Variants in SPEF2 observed in about 807,000 individuals in gnomAD.
SPEF2 encodes the protein sperm flagella and cilia-associated protein 2.
Under a neutral mutation model 224.6 loss-of-function variants are expected in SPEF2, and 187 were observed. That is an observed-to-expected ratio of 0.83 (90% confidence interval 0.74 to 0.94). The LOEUF (loss-of-function observed/expected upper bound fraction) is 0.94, where lower values mean the gene tolerates loss of function less well. Among genes scored for constraint, SPEF2 ranks in the 40% least tolerant of loss-of-function variants. The pLI is 0.00. For missense variants in SPEF2, 2,170 were observed against 2,135.6 expected (o/e 1.02, Z -0.32); for synonymous variants, 715 against 707.3 (o/e 1.01, Z -0.17).
At chr5:35,689,841 T>C (rs143919269) in intron 10 of SPEF2, among the ~76,000 whole-genome samples, 1 of 152,278 alleles carries the variant, frequency 6.6e-6, no homozygotes, top group African/African-American at 2.4e-5. Flanking sequence ...TGTTACCTTT[T>C]TTCCTATTAT....
chr5:35,638,982 CT>C (rs1746221689), intron 2 of SPEF2, among the ~76,000 whole-genome samples: 4 of 152,098 alleles, frequency 2.6e-5, no homozygotes, highest in African/African-American at 9.7e-5. Context: ...CACAGAGGGC[CT>C]TTTGTGAAAT....
chr5:35,618,174 C>A, intron 1 of SPEF2, 119 bp downstream of exon 1: 1 of 1,084,986 alleles, frequency 9.2e-7, no homozygotes, highest in Non-Finnish European at 1.4e-6. Context: ...AGGTGGGGCA[C>A]CTGCGTAGCC....
chr5:35,634,730 A>G (rs1745586245), intron 2 of SPEF2, among the ~76,000 whole-genome samples: 1 of 152,072 alleles, frequency 6.6e-6, no homozygotes, highest in Non-Finnish European at 1.5e-5. Flanking sequence ...TTACAGAAAA[A>G]TCATTGACAT....
At chr5:35,688,642 A>G (rs893421643) in intron 10 of SPEF2, among the ~76,000 whole-genome samples, 2 of 152,156 alleles carry the variant, frequency 1.3e-5, no homozygotes. Flanking sequence ...TATACTGGAT[A>G]TGAGTACCTG....
intron 23 of SPEF2, among the ~76,000 whole-genome samples, chr5:35,742,114 G>T (rs1054275830): frequency 6.6e-6 from 1 of 152,130 alleles, no homozygotes; most frequent in East Asian, 1.9e-4. Flanking sequence ...TAAGTCAATA[G>T]AACATGTTTT....
chr5:35,759,612 T>C lies in SPEF2; in HGVS notation c.3513T>C (p.Asp1171=), dbSNP rs1750938147. Reference sequence around the variant, plus strand: ...AAGATACAAAGAGACTCCTTCAAGATTATTACTGGGGAATGGAAAGTAAAA... The same window carrying C: ...AAGATACAAAGAGACTCCTTCAAGACTATTACTGGGGAATGGAAAGTAAAA... ...RFQDTKRLLQ[D]YYWGMESKIP... Residue 1171 remains aspartate, a synonymous_variant, in exon 25 of 37, where the codon GAT becomes GAC. Transcript: ENST00000356031. 1 of 1,610,870 alleles carries C rather than the reference T, an allele frequency of 6.2e-7. No individual in the cohort carries two copies. The highest frequency in any genetic ancestry group is 1.3e-5 in the African/African-American group (1 of 74,866).
chr5:35,628,471 T>C lies in SPEF2; in HGVS notation c.70T>C (p.Phe24Leu). The C allele has an allele frequency of 1.2e-6, 2 of 1,613,172 alleles. No homozygotes were observed. Among genetic ancestry groups the C allele is most frequent in the African/African-American group, 1.3e-5 (1 of 75,028 alleles). Residue 24 changes from phenylalanine (F) to leucine (L), a missense_variant, in exon 2 of 37, where the codon TTT (phenylalanine) becomes CTT (leucine). Phe to Leu is a conservative substitution (Grantham distance 22, BLOSUM62 0). Transcript: ENST00000356031. ...KVSRTVSPKS[F>L]AKAFSSGYLL... ...GTTTTGAAACTCAGGTCCCAAGTCA[T>C]TTGCAAAGGCATTTTCCAGTGGCTA...
chr5:35,656,689 T>G (rs1748998703), intron 7 of SPEF2, among the ~76,000 whole-genome samples: 1 of 152,212 alleles, frequency 6.6e-6, no homozygotes, highest in African/African-American at 2.4e-5. Context: ...CTTTCTAGAT[T>G]TCCTCACTTT....
chr5:35,789,017 C>T (rs1198481974), intron 30 of SPEF2: 9 of 693,816 alleles, frequency 1.3e-5, no homozygotes, highest in South Asian at 4.5e-5. Context: ...TGCAATTGTT[C>T]GGCAACTGCA....
intron 1 of SPEF2, among the ~76,000 whole-genome samples, chr5:35,621,699 C>T (rs899266883): frequency 6.6e-6 from 1 of 152,182 alleles, no homozygotes; most frequent in Non-Finnish European, 1.5e-5. Context: ...TGGCCCAGCC[C>T]ATAGTTGCTT....
intron 30 of SPEF2, chr5:35,787,957 A>G (rs1755399672): frequency 1.6e-6 from 1 of 630,772 alleles, no homozygotes; most frequent in Non-Finnish European, 2.8e-6. Flanking sequence ...GAAGCCATCA[A>G]TTTTTGAAAA....
chr5:35,749,824 AAC>A (rs1309516643), intron 23 of SPEF2, among the ~76,000 whole-genome samples: 1 of 152,078 alleles, frequency 6.6e-6, no homozygotes, highest in Non-Finnish European at 1.5e-5. Context: ...AAATACCACC[AAC>A]AGTCTTCAGA....
chr5:35,753,330 T>A (rs191166343), intron 23 of SPEF2, among the ~76,000 whole-genome samples: 44 of 152,276 alleles, frequency 2.9e-4, no homozygotes, highest in Non-Finnish European at 4.6e-4. Context: ...CATTTTTTTT[T>A]AGGAAGGATT....
chr5:35,747,763 AT>A (rs1428374200), intron 23 of SPEF2, among the ~76,000 whole-genome samples: 2 of 152,234 alleles, frequency 1.3e-5, no homozygotes, highest in Non-Finnish European at 2.9e-5. Flanking sequence ...TACTGACAGC[AT>A]TAGACAGGTC....
At chr5:35,812,457 T>C (rs1205402664) in intron 36 of SPEF2, among the ~76,000 whole-genome samples, 1 of 152,128 alleles carries the variant, frequency 6.6e-6, no homozygotes, top group Non-Finnish European at 1.5e-5. Context: ...ATAATGCTCC[T>C]AAATTATTAA....
At chr5:35,684,715 G>T (rs1377473084) in intron 10 of SPEF2, among the ~76,000 whole-genome samples, 1 of 152,162 alleles carries the variant, frequency 6.6e-6, no homozygotes, top group Non-Finnish European at 1.5e-5. Flanking sequence ...ATTAATGAGG[G>T]TGCAAAGCAA....
intron 36 of SPEF2, among the ~76,000 whole-genome samples, chr5:35,811,792 C>T (rs2149880875): frequency 9.5e-6 from 1 of 105,798 alleles, no homozygotes; most frequent in East Asian, 2.5e-4. Flanking sequence ...TTTTTTGAGA[C>T]AGAGTCTCGC....
At position 35,796,427 on chromosome 5, in the gene SPEF2, C is replaced by T. The variant is rs554156194; in HGVS notation, c.4830+632C>T. Among the ~76,000 whole-genome samples the T allele has an allele frequency of 1.1e-3, 160 of 147,800 alleles. 1 individual carries two copies. The Middle Eastern group carries it at 0.038, about 35-fold the overall frequency. ...GAGATCGAGACCATCCTGGCTAACACGGTGAAACCCCGTCTCTACTAAAAA... is the reference window on the plus strand; with the variant it reads ...GAGATCGAGACCATCCTGGCTAACATGGTGAAACCCCGTCTCTACTAAAAA... On this transcript the variant is annotated intron_variant, in intron 33 of 36. Transcript: ENST00000356031.
intron 23 of SPEF2, among the ~76,000 whole-genome samples, chr5:35,751,601 A>G (rs1284598145): frequency 6.6e-6 from 1 of 152,150 alleles, no homozygotes; most frequent in Non-Finnish European, 1.5e-5. Context: ...ATAATGATAT[A>G]TTGTTCTGAT....
Sources: allele counts gnomAD v4.1 joint callset (sites outside exome capture counted in the v4.1 genomes callset), GRCh38; gene constraint gnomAD v4.1.1; transcripts MANE v1.5; gene names NCBI Gene and HGNC (gene_info 2026-07-23, HGNC 2026-07-21).